ATP8B1: variants seen among roughly 807,000 people sequenced by gnomAD.
ATP8B1 encodes the protein ATPase phospholipid transporting 8B1, also known as phospholipid-transporting ATPase IC.
In ATP8B1, 80 loss-of-function variants were observed where a neutral mutation model predicts 149.9. The observed-to-expected ratio is 0.53, with a 90% CI of 0.45 to 0.64. ATP8B1 has a LOEUF of 0.64. ATP8B1 is among the 30% of genes least tolerant of loss of function. The probability of loss-of-function intolerance (pLI) is 0.00; values close to 1 mark genes in which losing one functional copy is unlikely to be tolerated. For synonymous variants in ATP8B1, 536 were observed against 562.8 expected (o/e 0.95, Z 0.67); for missense variants, 1,247 against 1,552.6 (o/e 0.80, Z 3.31).
intron 1 of ATP8B1, among the ~76,000 whole-genome samples, chr18:57,779,181 G>C (rs778411066): frequency 3.9e-5 from 6 of 151,988 alleles, no homozygotes; most frequent in Non-Finnish European, 7.4e-5. Context: ...AAATTAGCTG[G>C]GCATGTGCTT....
intron 2 of ATP8B1, among the ~76,000 whole-genome samples, chr18:57,725,856 T>C (rs1428962296): frequency 6.6e-6 from 1 of 152,246 alleles, no homozygotes; most frequent in Non-Finnish European, 1.5e-5. Flanking sequence ...AGACCCCATC[T>C]CTTGTCATAT....
intron 1 of ATP8B1, among the ~76,000 whole-genome samples, chr18:57,767,012 T>C (rs1432966638): frequency 1.3e-5 from 2 of 151,952 alleles, no homozygotes; most frequent in Non-Finnish European, 2.9e-5. Context: ...GTTCTTGAAA[T>C]TGCAAATCTT....
chr18:57,676,606 C>G (rs574563769), intron 15 of ATP8B1, among the ~76,000 whole-genome samples: 120 of 150,526 alleles, frequency 8.0e-4, no homozygotes, highest in Middle Eastern at 3.4e-3. Flanking sequence ...ATAGTTCCAG[C>G]TACTCGGGAG....
intron 2 of ATP8B1, among the ~76,000 whole-genome samples, chr18:57,711,757 T>G (rs1375717635): frequency 1.3e-5 from 2 of 151,998 alleles, no homozygotes; most frequent in Non-Finnish European, 2.9e-5. Flanking sequence ...CGTACCTAAT[T>G]TTTAAATTTT....
chr18:57,667,297 A>C, intron 19 of ATP8B1, 130 bp from the exon 20 acceptor site: 1 of 709,414 alleles, frequency 1.4e-6, no homozygotes. Context: ...TGCTCACTAC[A>C]GCCTCAACCT....
chr18:57,772,247 A>G (rs2080269852), intron 1 of ATP8B1, among the ~76,000 whole-genome samples: 3 of 152,180 alleles, frequency 2.0e-5, no homozygotes, highest in Non-Finnish European at 4.4e-5. Flanking sequence ...GAGTATTGCT[A>G]GCGGGAGAAG....
intron 1 of ATP8B1, chr18:57,755,364 A>T (rs1355423215): frequency 2.0e-5 from 1 of 48,970 alleles, no homozygotes; most frequent in African/African-American, 1.3e-4. Flanking sequence ...TTTTTTCTCT[A>T]CCAAGATAAA....
intron 15 of ATP8B1, among the ~76,000 whole-genome samples, chr18:57,676,031 T>C: frequency 6.6e-6 from 1 of 152,206 alleles, no homozygotes; most frequent in East Asian, 1.9e-4. Context: ...TAAGAGCAGA[T>C]TCCTATTAGG....
chr18:57,691,175 CAAAAAAA>C (rs530091842), intron 12 of ATP8B1, among the ~76,000 whole-genome samples: 30 of 58,896 alleles, frequency 5.1e-4, no homozygotes, highest in South Asian at 1.2e-3. Context: ...AACTCCATCT[CAAAAAAA>C]AAAAAAAAAA....
intron 1 of ATP8B1, among the ~76,000 whole-genome samples, chr18:57,795,329 G>A (rs768353946): frequency 6.6e-6 from 1 of 151,566 alleles, no homozygotes; most frequent in Non-Finnish European, 1.5e-5. Flanking sequence ...CTTGAGCCCA[G>A]GAGTTCAAAG....
chr18:57,802,725 C>T lies in ATP8B1; in HGVS notation c.-26+273G>A, dbSNP rs1202890085. Among the ~76,000 whole-genome samples, 1 of 152,228 alleles carries T rather than the reference C, an allele frequency of 6.6e-6. No homozygotes were observed. Among genetic ancestry groups the T allele is most frequent in the East Asian group, 1.9e-4 (1 of 5,182 alleles). On this transcript the variant is annotated intron_variant, in intron 1 of 27. Coordinates refer to ENST00000648908, the MANE Select transcript of ATP8B1 (RefSeq NM_001374385.1). This position sits in a 1 kb window ranked among gnomAD's most constrained non-coding sequence, Gnocchi z 4.9. ...AAGAACCCAAACACCCCGAGATTTC[C>T]CTCCTCTAGGCAGGTGAAAACCCCA...
intron 1 of ATP8B1, among the ~76,000 whole-genome samples, chr18:57,755,975 C>T (rs2080073707): frequency 6.6e-6 from 1 of 151,908 alleles, no homozygotes; most frequent in Non-Finnish European, 1.5e-5. Context: ...CCCCTAAATA[C>T]TTCAGGGGTA....
At chr18:57,675,786 G>A (rs553072498) in intron 15 of ATP8B1, among the ~76,000 whole-genome samples, 39 of 152,244 alleles carry the variant, frequency 2.6e-4, no homozygotes, top group Admixed American at 6.5e-4. Flanking sequence ...GCTCACTGAA[G>A]CCTCAATCTC....
At chr18:57,716,055 T>C (rs927647691) in intron 2 of ATP8B1, among the ~76,000 whole-genome samples, 2 of 152,090 alleles carry the variant, frequency 1.3e-5, no homozygotes, top group Non-Finnish European at 2.9e-5. Flanking sequence ...CAATAAGATA[T>C]AAATAGAAAC....
chr18:57,704,248 G>A (rs528005452), intron 4 of ATP8B1, among the ~76,000 whole-genome samples: 4 of 152,296 alleles, frequency 2.6e-5, no homozygotes, highest in Non-Finnish European at 4.4e-5. Context: ...GATTATAGGC[G>A]TGGGCCACTG....
chr18:57,681,455 A>G (rs1911965482), intron 15 of ATP8B1, among the ~76,000 whole-genome samples: 1 of 152,168 alleles, frequency 6.6e-6, no homozygotes, highest in Admixed American at 6.5e-5. Context: ...AAGCTAATGA[A>G]CAGGTGTTTT....
chr18:57,682,005 TTA>T (rs1912004200), intron 15 of ATP8B1, among the ~76,000 whole-genome samples: 1 of 123,738 alleles, frequency 8.1e-6, no homozygotes, highest in Non-Finnish European at 1.7e-5. Flanking sequence ...GGACTTTGTG[TTA>T]TTTTTTTTTT....
intron 1 of ATP8B1, among the ~76,000 whole-genome samples, chr18:57,758,089 G>A (rs965053220): frequency 6.6e-6 from 1 of 152,102 alleles, no homozygotes; most frequent in Non-Finnish European, 1.5e-5. Context: ...TTGGTCCTCA[G>A]CTCAAACGAT....
intron 15 of ATP8B1, among the ~76,000 whole-genome samples, chr18:57,681,050 T>A (rs1599109767): frequency 6.6e-6 from 1 of 152,196 alleles, no homozygotes; most frequent in African/African-American, 2.4e-5. Context: ...AGATGTGCGA[T>A]CCTAATCAGC....
Sources: allele counts gnomAD v4.1 joint callset (sites outside exome capture counted in the v4.1 genomes callset), GRCh38; gene constraint gnomAD v4.1.1; non-coding constraint Gnocchi (gnomAD v3.1); transcripts MANE v1.5; gene names NCBI Gene and HGNC (gene_info 2026-07-23, HGNC 2026-07-21).